Variants in TRAPPC11 observed in about 807,000 individuals in gnomAD.
TRAPPC11 encodes trafficking protein particle complex subunit 11.
TRAPPC11 carries 104 observed loss-of-function variants against 151.2 expected under a neutral mutation model. The ratio of observed to expected loss-of-function variants is 0.69; its 90% CI spans 0.59 to 0.81. TRAPPC11 has a LOEUF of 0.81. Among genes scored for constraint, TRAPPC11 ranks in the 30% least tolerant of loss-of-function variants. TRAPPC11 has a pLI of 0.00. For synonymous variants in TRAPPC11, 456 were observed against 472.3 expected, an observed-to-expected ratio of 0.97 and a Z score of 0.45; for missense variants, 1,230 against 1,349.6, an observed-to-expected ratio of 0.91 and a Z score of 1.39.
intron 18 of TRAPPC11, among the ~76,000 whole-genome samples, chr4:183,690,139 G>C (rs1012925722): frequency 3.9e-5 from 6 of 152,038 alleles, no homozygotes; most frequent in African/African-American, 4.8e-5. Context: ...AGAGGCGGAG[G>C]TTGTAGTGAG....
intron 11 of TRAPPC11, among the ~76,000 whole-genome samples, chr4:183,683,223 A>C (rs1466985380): frequency 6.6e-6 from 1 of 152,048 alleles, no homozygotes; most frequent in Non-Finnish European, 1.5e-5. Flanking sequence ...CTGTTGTCTT[A>C]TTTAAATATT....
chr4:183,682,015 A>G (rs1265431422), intron 10 of TRAPPC11, among the ~76,000 whole-genome samples: 3 of 152,222 alleles, frequency 2.0e-5, no homozygotes, highest in Non-Finnish European at 4.4e-5. Context: ...GTAAGCAGCC[A>G]TGAAAAATAA....
intron 11 of TRAPPC11, among the ~76,000 whole-genome samples, chr4:183,683,167 A>C (rs926239855): frequency 2.6e-5 from 4 of 152,006 alleles, no homozygotes; most frequent in African/African-American, 9.7e-5. Flanking sequence ...AAAAAAAAAA[A>C]AAAATACAAC....
intron 18 of TRAPPC11, among the ~76,000 whole-genome samples, chr4:183,690,573 A>G (rs1311585581): frequency 6.6e-6 from 1 of 152,218 alleles, no homozygotes; most frequent in Non-Finnish European, 1.5e-5. Flanking sequence ...GAATAGGACA[A>G]CTGTATGTGA....
intron 9 of TRAPPC11, 151 bp downstream of exon 9, chr4:183,679,637 G>A: frequency 3.4e-6 from 2 of 588,722 alleles, no homozygotes; most frequent in Non-Finnish European, 5.8e-6. Flanking sequence ...TGGTAATATT[G>A]TACATTGATA....
chr4:183,692,169 C>G (rs979050518), intron 19 of TRAPPC11, among the ~76,000 whole-genome samples: 2 of 152,040 alleles, frequency 1.3e-5, no homozygotes, highest in Admixed American at 6.6e-5. Flanking sequence ...ATTAAATCAG[C>G]TAGTTAATGT....
intron 18 of TRAPPC11, among the ~76,000 whole-genome samples, chr4:183,690,575 T>C (rs2111058448): frequency 6.6e-6 from 1 of 152,280 alleles, no homozygotes; most frequent in East Asian, 1.9e-4. Flanking sequence ...ATAGGACAAC[T>C]GTATGTGAGA....
chr4:183,679,468 A>G lies in TRAPPC11; in HGVS notation c.947A>G (p.Asp316Gly). ...IGSAELSFEH[D>G]AWMSKQFQAF... ...AGTGCAGAGCTGTCTTTTGAGCATG[A>G]TGCATGGATGTCTAAACAGTATGTT... The change falls in exon 9 of 30, where the codon GAT becomes GGT. Residue 316 changes from aspartate to glycine, a missense_variant. Transcript: ENST00000334690. 3.7e-6 allele frequency: 6 copies of G among 1,610,526 alleles called. No homozygotes were observed. Among genetic ancestry groups the G allele is most frequent in the Non-Finnish European group, 5.1e-6 (6 of 1,178,630 alleles).
intron 11 of TRAPPC11, 88 bp downstream of exon 11, chr4:183,682,913 A>C (rs191600697): frequency 1.8e-5 from 16 of 872,834 alleles, no homozygotes; most frequent in Non-Finnish European, 1.9e-5. Flanking sequence ...CACATGCATA[A>C]GAAATTATGT....
In TRAPPC11 at chr4:183,682,810, C is replaced by A. The variant is rs140403642; in HGVS notation, c.1192C>A (p.Arg398=). 6.2e-7 allele frequency: 1 copy of A among 1,611,786 alleles called. No individual in the cohort carries two copies. Among genetic ancestry groups the A allele is most frequent in the Admixed American group, 1.7e-5 (1 of 59,962 alleles). The change falls in exon 11 of 30, where the codon CGA becomes AGA. Residue 398 remains arginine (R), a synonymous_variant. Coordinates refer to ENST00000334690, the MANE Select transcript of TRAPPC11 (RefSeq NM_021942.6). The part of the protein sequence containing the change: ...VLDFYGQRSW[R]QGILSFDLSD... ...TGACTTTTATGGACAAAGATCATGGCGACAAGGAATACTAAGTAAATAATT... is the reference window on the plus strand; with the variant it reads ...TGACTTTTATGGACAAAGATCATGGAGACAAGGAATACTAAGTAAATAATT...
At chr4:183,670,601 AGT>A (rs1301554156) in intron 5 of TRAPPC11, among the ~76,000 whole-genome samples, 1 of 152,152 alleles carries the variant, frequency 6.6e-6, no homozygotes, top group African/African-American at 2.4e-5. Context: ...TATTGGAAGC[AGT>A]TTTCTTTTCT....
chr4:183,680,397 T>A, intron 10 of TRAPPC11, 130 bp downstream of exon 10: 1 of 1,017,886 alleles, frequency 9.8e-7, no homozygotes, highest in Non-Finnish European at 1.3e-6. Flanking sequence ...TTTTATAGCT[T>A]TAGGAATTAC....
intron 25 of TRAPPC11, 45 bp downstream of exon 25, chr4:183,697,880 C>T (rs749374243): frequency 4.7e-5 from 73 of 1,544,392 alleles, no homozygotes; most frequent in Admixed American, 2.3e-4. Flanking sequence ...GAATTGTGCG[C>T]GCGTGTGTGT....
In TRAPPC11 at chr4:183,684,321, G is replaced by A. The variant is rs1317070591; in HGVS notation, c.1383G>A (p.Glu461=). 1.4e-5 allele frequency: 22 copies of A among 1,613,648 alleles called. No homozygotes were observed. Among genetic ancestry groups the A allele is most frequent in the Non-Finnish European group, 1.9e-5 (22 of 1,179,742 alleles). ...MKSHLMVQMG[E]EYYYAKDYTK... ...CCTTTATAGTGGTTCAGATGGGAGAGGAATATTATTACGCAAAGGATTATA... is the reference window on the plus strand; with the variant it reads ...CCTTTATAGTGGTTCAGATGGGAGAAGAATATTATTACGCAAAGGATTATA... The change falls in exon 14 of 30, where the codon GAG becomes GAA. Residue 461 remains glutamate (E), a synonymous_variant. Coordinates refer to ENST00000334690, the MANE Select transcript of TRAPPC11 (RefSeq NM_021942.6).
At chr4:183,673,383 A>G (rs1735249863) in intron 5 of TRAPPC11, among the ~76,000 whole-genome samples, 1 of 152,216 alleles carries the variant, frequency 6.6e-6, no homozygotes, top group African/African-American at 2.4e-5. Context: ...AAATAGAAAA[A>G]TCTTAAAAGG....
intron 4 of TRAPPC11, among the ~76,000 whole-genome samples, chr4:183,667,785 A>G (rs1734958101): frequency 1.3e-5 from 2 of 152,252 alleles, no homozygotes; most frequent in Admixed American, 1.3e-4. Context: ...ATCCTGGCTC[A>G]GTAGAAAATT....
In TRAPPC11 at chr4:183,684,337, A is replaced by G; in HGVS notation, c.1399A>G (p.Lys467Glu). 1.2e-6 allele frequency: 2 copies of G among 1,613,780 alleles called. No homozygotes were observed. The highest frequency in any genetic ancestry group is 4.5e-5 in the East Asian group (2 of 44,850). The change falls in exon 14 of 30, where the codon AAG (lysine) becomes GAG (glutamate). Residue 467 changes from lysine (K) to glutamate (E), a missense_variant. Transcript: ENST00000334690. ...VQMGEEYYYA[K>E]DYTKALKLLD... ...GATGGGAGAGGAATATTATTACGCAAAGGATTATACCAAAGCTTTGAAGTG... is the reference window on the plus strand; with the variant it reads ...GATGGGAGAGGAATATTATTACGCAGAGGATTATACCAAAGCTTTGAAGTG...
rs760027865 is a variant in TRAPPC11 at position 183,693,035 on chromosome 4, G to GGAC, written c.2125_2126insGAC (p.Asp709delinsGlyHis). 1.5e-5 allele frequency: 24 copies of GGAC among 1,613,680 alleles called. No homozygotes were observed. In the South Asian group the frequency reaches 2.6e-4, roughly 18 times the overall value. ...TTTAAATTGGCAGGGAGGAGGAGGA[G>GGAC]ATGCTGCTTCCTCCCAAGAAGCCTT... is the stretch of plus-strand genomic sequence containing the variant. On this transcript the variant is annotated protein_altering_variant, in exon 20 of 30. Transcript: ENST00000334690.
At chr4:183,667,818 A>C (rs1734959117) in intron 4 of TRAPPC11, 185 bp from the exon 5 acceptor site, 1 of 593,526 alleles carries the variant, frequency 1.7e-6, no homozygotes, top group Non-Finnish European at 2.9e-6. Flanking sequence ...CCTAAAAGGC[A>C]TATACTGTGT....
Sources: gnomAD v4.1 joint callset for allele counts (sites outside exome capture counted in the v4.1 genomes callset) on GRCh38, gnomAD v4.1.1 for gene constraint, MANE v1.5 for transcripts, NCBI Gene and HGNC (gene_info 2026-07-23, HGNC 2026-07-21) for gene names.